The following SLC9A5 variants were observed in gnomAD, a reference collection of about 807,000 sequenced individuals.
SLC9A5 encodes the protein sodium/hydrogen exchanger 5.
A neutral mutation model predicts 91.7 loss-of-function variants in SLC9A5; 52 were observed. The observed-to-expected ratio is 0.57, with a 90% CI of 0.45 to 0.71. The LOEUF is 0.71. SLC9A5 is among the 30% of genes least tolerant of loss of function. The probability of loss-of-function intolerance (pLI) is 0.00; values close to 1 mark genes in which losing one functional copy is unlikely to be tolerated. For missense variants in SLC9A5, 871 were observed against 1,158.9 expected (o/e 0.75, Z 3.61); for synonymous variants, 419 against 474.5 (o/e 0.88, Z 1.52).
rs780457484 is a variant in SLC9A5, at chr16:67,270,778, C to G, written c.2259C>G (p.Pro753=). 4 of 1,613,394 alleles carry G rather than the reference C, an allele frequency of 2.5e-6. No individual in the cohort carries two copies. The highest frequency in any genetic ancestry group is 2.2e-5 in the South Asian group (2 of 90,992). The change falls in exon 16 of 16, where the codon CCC becomes CCG. Residue 753 remains proline (P), a synonymous_variant. Transcript: ENST00000299798. The surrounding 1 kb of genome is among the most constrained non-coding windows in gnomAD (Gnocchi z 4.3). Reference sequence around the variant, plus strand: ...GCCCAAGCCCACGAATCATTCCCCCCTCCCCAACCTGTGCAGAAAAGGAGC... The same window carrying G: ...GCCCAAGCCCACGAATCATTCCCCCGTCCCCAACCTGTGCAGAAAAGGAGC... ...EVCPSPRIIP[P]SPTCAEKELP...
intron 12 of SLC9A5, among the ~76,000 whole-genome samples, chr16:67,260,490 A>G (rs915929691): frequency 5.3e-5 from 8 of 152,048 alleles, no homozygotes; most frequent in Non-Finnish European, 1.5e-5. Flanking sequence ...CTGGTAGCAG[A>G]GTGCAGATCA....
chr16:67,266,009 G>A, intron 14 of SLC9A5, 79 bp from the exon 15 acceptor site: 1 of 1,565,318 alleles, frequency 6.4e-7, no homozygotes, highest in Non-Finnish European at 8.6e-7. Context: ...AGGGAGACAG[G>A]GAGCTGGCTT....
intron 15 of SLC9A5, among the ~76,000 whole-genome samples, chr16:67,269,639 A>G (rs552682761): frequency 6.6e-4 from 101 of 152,176 alleles, no homozygotes; most frequent in African/African-American, 2.3e-3. Context: ...AGGTCTTTCA[A>G]GAGATACCAT....
At position 67,258,826 on chromosome 16, in the gene SLC9A5, ACT is replaced by A. The variant is rs1385950388; in HGVS notation, c.1626+380_1626+381del. On this transcript the variant is annotated intron_variant, in intron 10 of 15. Transcript: ENST00000299798. The surrounding 1 kb of genome is among the most constrained non-coding windows in gnomAD (Gnocchi z 4.5). ...TGTGGGAGCCTGAGGTGGGTAGATC[ACT>A]TGAGGTGAGGAGTTTGAGACCAGCC... Among the ~76,000 whole-genome samples the A allele has an allele frequency of 6.6e-6, 1 of 152,092 alleles. No homozygotes were observed. The highest frequency in any genetic ancestry group is 1.5e-5 in the Non-Finnish European group (1 of 67,980).
In SLC9A5 at chr16:67,254,911, G is replaced by A. The variant is rs1254758611; in HGVS notation, c.491-110G>A. The A allele has an allele frequency of 7.6e-6, 8 of 1,054,868 alleles. No homozygotes were observed. In the African/African-American group the frequency reaches 7.9e-5, roughly 10 times the overall value. 65.3% of individuals were successfully genotyped at this position (1,054,868 alleles called of 1,614,324 possible). ...CTTTGCCATCCCAAGTCCTCTTTGG[G>A]CTTCCTTGCTGTTATCAGCAGGGGT... is the stretch of plus-strand genomic sequence containing the variant. On this transcript the variant is annotated intron_variant, in intron 2 of 15. Transcript: ENST00000299798.
intron 2 of SLC9A5, among the ~76,000 whole-genome samples, chr16:67,254,073 C>A (rs531597388): frequency 2.0e-5 from 3 of 152,198 alleles, no homozygotes; most frequent in East Asian, 3.9e-4. Flanking sequence ...ATAATAATAT[C>A]TTTTGGGTGC....
chr16:67,270,971 C>T lies in SLC9A5; in HGVS notation c.2452C>T (p.His818Tyr). The T allele has an allele frequency of 3.1e-6, 5 of 1,614,138 alleles. No individual in the cohort carries two copies. The highest frequency in any genetic ancestry group is 4.2e-6 in the Non-Finnish European group (5 of 1,179,988). ...QAPILTCLPP[H>Y]PRGTEEPQVP... ...CCCAATTCTGACCTGCCTGCCTCCC[C>T]ATCCACGGGGCACTGAAGAGCCCCA... Residue 818 changes from histidine (H) to tyrosine (Y), a missense_variant, in exon 16 of 16, where the codon CAT becomes TAT. Around this residue, in one of 3 missense-constraint regions of SLC9A5, gnomAD observed 295 missense variants for 326.0 expected, o/e 0.90. Coordinates refer to ENST00000299798, the MANE Select transcript of SLC9A5 (RefSeq NM_004594.3). The surrounding 1 kb of genome is among the most constrained non-coding windows in gnomAD (Gnocchi z 4.3).
chr16:67,254,262 T>C (rs2035231126), intron 2 of SLC9A5, among the ~76,000 whole-genome samples: 1 of 152,214 alleles, frequency 6.6e-6, no homozygotes, highest in Non-Finnish European at 1.5e-5. Flanking sequence ...GTCACATCCC[T>C]TTGGCCGGGA....
At chr16:67,254,198 G>T (rs1020020019) in intron 2 of SLC9A5, among the ~76,000 whole-genome samples, 2 of 152,156 alleles carry the variant, frequency 1.3e-5, no homozygotes, top group South Asian at 2.1e-4. Context: ...ATTCAAGTCC[G>T]ATCTGTGTTG....
intron 1 of SLC9A5, among the ~76,000 whole-genome samples, chr16:67,249,794 A>G (rs907339891): frequency 1.3e-5 from 2 of 152,150 alleles, no homozygotes; most frequent in Admixed American, 6.5e-5. Context: ...TTCTCACTTC[A>G]GGGTATAAGA....
chr16:67,255,571 T>A lies in SLC9A5; in HGVS notation c.733+100T>A. 1 of 1,358,070 alleles carries A rather than the reference T, an allele frequency of 7.4e-7. No homozygotes were observed. The highest frequency in any genetic ancestry group is 1.0e-6 in the Non-Finnish European group (1 of 956,156). The allele number at this position is 1,358,070 out of a possible 1,614,324, so 84.1% of individuals were successfully genotyped here. ...TCAGGACAGAAGAGGCTATTCGGGT[T>A]GCCTCATCTCCTCTATAGAGAAATG... On this transcript the variant is annotated intron_variant, in intron 4 of 15. Transcript: ENST00000299798. The surrounding 1 kb of genome is among the most constrained non-coding windows in gnomAD (Gnocchi z 4.9).
chr16:67,258,493 G>A lies in SLC9A5; in HGVS notation c.1626+46G>A, dbSNP rs2035402253. ...TGGGCCAGTGGTGGGTGGGCAGATG[G>A]TCAGCAGAGCAGGACAGAAAGGGGT... On this transcript the variant is annotated intron_variant, in intron 10 of 15. Coordinates refer to ENST00000299798, the MANE Select transcript of SLC9A5 (RefSeq NM_004594.3). This position sits in a 1 kb window ranked among gnomAD's most constrained non-coding sequence, Gnocchi z 4.5. 7 of 1,612,570 alleles carry A rather than the reference G, an allele frequency of 4.3e-6. No individual in the cohort carries two copies. The highest frequency in any genetic ancestry group is 5.9e-6 in the Non-Finnish European group (7 of 1,179,182).
At position 67,266,244 on chromosome 16, in the gene SLC9A5, C is replaced by G. The variant is rs781471713; in HGVS notation, c.2218+19C>G. 1 of 1,575,400 alleles carries G rather than the reference C, an allele frequency of 6.3e-7. No homozygotes were observed. Among genetic ancestry groups the G allele is most frequent in the Non-Finnish European group, 8.6e-7 (1 of 1,163,442 alleles). ...GTCTCAGGTAATGGCTTCCTCCCTG[C>G]CCACCTCCCCTCTGGAGCAAGCTGG... On this transcript the variant is annotated intron_variant, in intron 15 of 15. Transcript: ENST00000299798.
Position 67,271,023 on chromosome 16 carries a change from C to G in SLC9A5, c.2504C>G (p.Pro835Arg). Reference sequence around the variant, plus strand: ...GTCCCTCTCCACCTACCTTCTGATCCACGCTCTAGCTTCGCCTTCCCACCG... The same window carrying G: ...GTCCCTCTCCACCTACCTTCTGATCGACGCTCTAGCTTCGCCTTCCCACCG... The part of the protein sequence containing the change: ...PQVPLHLPSD[P>R]RSSFAFPPSL... Residue 835 changes from proline to arginine, a missense_variant, in exon 16 of 16, where the codon CCA (proline) becomes CGA (arginine). Physicochemically the swap from Pro to Arg is moderately radical, Grantham distance 103. Around this residue, in one of 3 missense-constraint regions of SLC9A5, gnomAD observed 295 missense variants for 326.0 expected, o/e 0.90. Transcript: ENST00000299798. 1 of 1,613,394 alleles carries G rather than the reference C, an allele frequency of 6.2e-7. No individual in the cohort carries two copies. Among genetic ancestry groups the G allele is most frequent in the Non-Finnish European group, 8.5e-7 (1 of 1,179,506 alleles).
intron 14 of SLC9A5, 151 bp from the exon 15 acceptor site, chr16:67,265,937 A>T (rs2035683942): frequency 1.1e-5 from 11 of 979,450 alleles, no homozygotes; most frequent in African/African-American, 1.7e-5. Context: ...CCCACCTCTT[A>T]GGCCAGTGCT....
In SLC9A5 at chr16:67,256,050, G is replaced by A; in HGVS notation, c.911+120G>A. The A allele has an allele frequency of 9.1e-7, 1 of 1,098,548 alleles. No homozygotes were observed. The highest frequency in any genetic ancestry group is 1.3e-6 in the Non-Finnish European group (1 of 770,994). The allele number at this position is 1,098,548 out of a possible 1,614,324, so 68.1% of individuals were successfully genotyped here. On this transcript the variant is annotated intron_variant, in intron 5 of 15. Transcript: ENST00000299798. This position sits in a 1 kb window ranked among gnomAD's most constrained non-coding sequence, Gnocchi z 4.1. ...TAGGTTTCCCTGAGCCCTTGTGGTA[G>A]TGGGAGCCTCAGACTGTCCTGGGGA...
chr16:67,268,718 A>ATATATAT (rs2035826332), intron 15 of SLC9A5, among the ~76,000 whole-genome samples: 1 of 100,652 alleles, frequency 9.9e-6, no homozygotes, highest in African/African-American at 3.5e-5. Context: ...ATATTTTTAC[A>ATATATAT]GTAGGCTTGT....
Position 67,249,206 on chromosome 16 carries a change from G to C in SLC9A5, c.187+5G>C. On this transcript the variant is annotated splice_donor_5th_base_variant and intron_variant, in intron 1 of 15. Coordinates refer to ENST00000299798, the MANE Select transcript of SLC9A5 (RefSeq NM_004594.3). ...TGGCCAGTCTGGCCAAAATCGGTGA[G>C]TGCGTGTGTGCGTGCGCCAGGCCGA... The C allele has an allele frequency of 6.9e-7, 1 of 1,451,520 alleles. No homozygotes were observed. The highest frequency in any genetic ancestry group is 9.1e-7 in the Non-Finnish European group (1 of 1,102,440). The allele number at this position is 1,451,520 out of a possible 1,614,324, so 89.9% of individuals were successfully genotyped here. A position where few individuals can be genotyped will look rare whatever the true frequency, so the allele number is the denominator to read the frequency against.
intron 14 of SLC9A5, among the ~76,000 whole-genome samples, chr16:67,265,475 G>A (rs2035668055): frequency 1.3e-5 from 2 of 152,190 alleles, no homozygotes; most frequent in South Asian, 4.1e-4. Flanking sequence ...CTAGAGTGCA[G>A]TGGTGCCATC....
Sources: allele counts gnomAD v4.1 joint callset (sites outside exome capture counted in the v4.1 genomes callset), GRCh38; gene constraint gnomAD v4.1.1; regional missense constraint gnomAD v4.1.1; non-coding constraint Gnocchi (gnomAD v3.1); transcripts MANE v1.5; gene names NCBI Gene and HGNC (gene_info 2026-07-23, HGNC 2026-07-21).